Variants in ZMAT4 observed in about 807,000 individuals in gnomAD.
The protein encoded by ZMAT4 is zinc finger matrin-type 4.
In ZMAT4, 17 loss-of-function variants were observed where a neutral mutation model predicts 28.7. The ratio of observed to expected loss-of-function variants is 0.59; its 90% CI spans 0.41 to 0.89. The LOEUF (loss-of-function observed/expected upper bound fraction) is 0.89. Among genes scored for constraint, ZMAT4 ranks in the 40% least tolerant of loss-of-function variants. The probability of loss-of-function intolerance (pLI) is 0.00; values close to 1 mark genes in which losing one functional copy is unlikely to be tolerated. For synonymous variants in ZMAT4, 117 were observed against 109.2 expected (o/e 1.07, Z -0.44); for missense variants, 240 against 283.8 (o/e 0.85, Z 1.11).
At chr8:40,812,147 TA>T (rs1815345325) in intron 2 of ZMAT4, among the ~76,000 whole-genome samples, 1 of 151,800 alleles carries the variant, frequency 6.6e-6, no homozygotes, top group South Asian at 2.1e-4. Context: ...CAAAATAAAA[TA>T]AAAATACATG....
rs11461186 is a variant in ZMAT4 at position 40,732,834 on chromosome 8, CTTTTTTTTTT to C, written c.192+34797_192+34806del. Among the ~76,000 whole-genome samples the C allele has an allele frequency of 6.3e-3, 425 of 67,082 alleles. 4 individuals are homozygous for C. The highest frequency in any genetic ancestry group is 0.01 in the Non-Finnish European group (368 of 35,178). The allele number at this position is 67,082 out of a possible 152,430, so 44.0% of individuals were successfully genotyped here. A position where few individuals can be genotyped will look rare whatever the true frequency, so the allele number is the denominator to read the frequency against. On this transcript the variant is annotated intron_variant, in intron 3 of 6. Coordinates refer to ENST00000297737, the MANE Select transcript of ZMAT4 (RefSeq NM_024645.3). ...GCAGACCTGGGCTGAGCAAGACCTC[CTTTTTTTTTT>C]TTTTTTTTTTTTTTTTTTGAGTTGG...
At chr8:40,571,101 A>T (rs569851590) in intron 6 of ZMAT4, among the ~76,000 whole-genome samples, 1 of 152,302 alleles carries the variant, frequency 6.6e-6, no homozygotes, top group East Asian at 1.9e-4. Flanking sequence ...TAATGATTAT[A>T]GGTCCCCCAA....
chr8:40,587,388 T>G (rs1465382283), intron 5 of ZMAT4, among the ~76,000 whole-genome samples: 1 of 152,200 alleles, frequency 6.6e-6, no homozygotes, highest in East Asian at 1.9e-4. Flanking sequence ...TTCCTCTTGA[T>G]TTATTTGAAA....
At chr8:40,780,136 G>C (rs915466028) in intron 2 of ZMAT4, among the ~76,000 whole-genome samples, 1 of 152,042 alleles carries the variant, frequency 6.6e-6, no homozygotes. Context: ...CTCACGATGG[G>C]ATTTCTCCCC....
chr8:40,772,657 G>C (rs1458186924), intron 2 of ZMAT4, among the ~76,000 whole-genome samples: 1 of 152,134 alleles, frequency 6.6e-6, no homozygotes, highest in African/African-American at 2.4e-5. Flanking sequence ...TGGCAGGAGA[G>C]GTGTTATCTC....
rs150261229 is a variant in ZMAT4, at chr8:40,699,940, A to G, written c.193-2539T>C. On this transcript the variant is annotated intron_variant, in intron 3 of 6. Coordinates refer to ENST00000297737, the MANE Select transcript of ZMAT4 (RefSeq NM_024645.3). Reference sequence around the variant, plus strand: ...GAAGCTCTAACTGGTAGAAATGCCTAAAGAAAGTCTAGAGGCCCAGACATA... The same window carrying G: ...GAAGCTCTAACTGGTAGAAATGCCTGAAGAAAGTCTAGAGGCCCAGACATA... Among the ~76,000 whole-genome samples, 40 of 152,358 alleles carry G rather than the reference A, an allele frequency of 2.6e-4. No homozygotes were observed. In the East Asian group the frequency reaches 7.5e-3, roughly 29 times the overall value.
chr8:40,861,428 A>G (rs1215288674), intron 1 of ZMAT4, among the ~76,000 whole-genome samples: 1 of 152,244 alleles, frequency 6.6e-6, no homozygotes, highest in Non-Finnish European at 1.5e-5. Flanking sequence ...TTAATTCAAG[A>G]TGGATTAAAG....
intron 1 of ZMAT4, among the ~76,000 whole-genome samples, chr8:40,887,127 T>C (rs1168759637): frequency 1.2e-4 from 16 of 138,548 alleles, no homozygotes; most frequent in African/African-American, 1.6e-4. Context: ...GTGGAGATCA[T>C]GCCACTGCAC....
At chr8:40,768,006 A>AT (rs1408738119) in intron 2 of ZMAT4, among the ~76,000 whole-genome samples, 1 of 152,154 alleles carries the variant, frequency 6.6e-6, no homozygotes, top group Non-Finnish European at 1.5e-5. Context: ...ACTATATTTA[A>AT]TTTTCCTCAA....
intron 1 of ZMAT4, among the ~76,000 whole-genome samples, chr8:40,882,625 G>A (rs1043118799): frequency 3.3e-5 from 5 of 152,088 alleles, no homozygotes; most frequent in African/African-American, 1.2e-4. Flanking sequence ...CACCAGCAGC[G>A]GCTTTTATCA....
At chr8:40,724,250 T>C (rs1282396170) in intron 3 of ZMAT4, among the ~76,000 whole-genome samples, 1 of 151,920 alleles carries the variant, frequency 6.6e-6, no homozygotes, top group Non-Finnish European at 1.5e-5. Context: ...AAATCCAAAA[T>C]TGGATGGGGA....
At chr8:40,702,303 C>T (rs992050560) in intron 3 of ZMAT4, among the ~76,000 whole-genome samples, 5 of 152,106 alleles carry the variant, frequency 3.3e-5, no homozygotes, top group Admixed American at 6.5e-5. Context: ...ATATATAGCC[C>T]GGGGTAGAAA....
At chr8:40,707,810 A>G (rs564612882) in intron 3 of ZMAT4, among the ~76,000 whole-genome samples, 2 of 152,220 alleles carry the variant, frequency 1.3e-5, no homozygotes, top group Non-Finnish European at 2.9e-5. Flanking sequence ...TTCTTTTCCT[A>G]TTATATGTCT....
At chr8:40,787,121 A>G (rs1420464117) in intron 2 of ZMAT4, among the ~76,000 whole-genome samples, 1 of 152,240 alleles carries the variant, frequency 6.6e-6, no homozygotes, top group African/African-American at 2.4e-5. Context: ...TATTCATTAT[A>G]TGGAGACTTT....
intron 6 of ZMAT4, among the ~76,000 whole-genome samples, chr8:40,576,071 A>G (rs375824361): frequency 9.1e-4 from 139 of 152,202 alleles, no homozygotes; most frequent in African/African-American, 3.2e-3. Context: ...CAGAAGAAAT[A>G]ATTTCTAAGC....
At chr8:40,885,453 C>T (rs1207464658) in intron 1 of ZMAT4, among the ~76,000 whole-genome samples, 1 of 152,206 alleles carries the variant, frequency 6.6e-6, no homozygotes, top group Non-Finnish European at 1.5e-5. Flanking sequence ...TCTGCCTCCA[C>T]AGAGCCCCAC....
chr8:40,543,305 G>A (rs1336028704), intron 6 of ZMAT4, among the ~76,000 whole-genome samples: 1 of 152,190 alleles, frequency 6.6e-6, no homozygotes, highest in African/African-American at 2.4e-5. Context: ...CTGGGAGACT[G>A]TGGTCTGGTG....
At chr8:40,632,920 T>C (rs1806649309) in intron 5 of ZMAT4, among the ~76,000 whole-genome samples, 1 of 152,126 alleles carries the variant, frequency 6.6e-6, no homozygotes, top group Non-Finnish European at 1.5e-5. Flanking sequence ...TCATTTTAAT[T>C]TCAGTTAAAG....
intron 3 of ZMAT4, among the ~76,000 whole-genome samples, chr8:40,730,982 A>C (rs10958631): frequency 0.28 from 42,121 of 152,042 alleles, 6,792 homozygotes; most frequent in East Asian, 0.56. Context: ...CCATAGCAGG[A>C]TACTGTGTAT....
Sources: allele counts gnomAD v4.1 joint callset (sites outside exome capture counted in the v4.1 genomes callset), GRCh38; gene constraint gnomAD v4.1.1; transcripts MANE v1.5; gene names NCBI Gene and HGNC (gene_info 2026-07-23, HGNC 2026-07-21).